The following IGF2BP3 variants were observed in gnomAD, a reference collection of about 807,000 sequenced individuals.
IGF2BP3 encodes the protein insulin like growth factor 2 mRNA binding protein 3, also known as insulin-like growth factor 2 mRNA-binding protein 3.
IGF2BP3 carries 9 observed loss-of-function variants against 73.8 expected under a neutral mutation model. That is an observed-to-expected ratio of 0.12 (90% CI 0.07 to 0.21). The LOEUF (loss-of-function observed/expected upper bound fraction) is 0.21. Ranked by LOEUF, IGF2BP3 falls within the 10% of genes least tolerant of loss-of-function variation. The pLI is 1.00. For missense variants in IGF2BP3, 542 were observed against 714.0 expected, an observed-to-expected ratio of 0.76 and a Z score of 2.75; for synonymous variants, 258 against 256.7, an observed-to-expected ratio of 1.01 and a Z score of -0.05.
intron 3 of IGF2BP3, among the ~76,000 whole-genome samples, chr7:23,373,468 A>G (rs1038484313): frequency 6.8e-6 from 1 of 147,652 alleles, no homozygotes; most frequent in African/African-American, 2.4e-5. Context: ...ATACCACTTC[A>G]CCTCCATTAG....
At chr7:23,381,295 A>C (rs1785901635) in intron 3 of IGF2BP3, among the ~76,000 whole-genome samples, 1 of 152,214 alleles carries the variant, frequency 6.6e-6, no homozygotes, top group Admixed American at 6.5e-5. Context: ...AGGAAAGGCC[A>C]CATGCCCAGC....
At chr7:23,350,743 G>C (rs900452525) in intron 6 of IGF2BP3, among the ~76,000 whole-genome samples, 3 of 152,190 alleles carry the variant, frequency 2.0e-5, no homozygotes, top group Non-Finnish European at 4.4e-5. Flanking sequence ...CTGATAATTA[G>C]CTCCAACATT....
chr7:23,362,210 G>C (rs189561744), intron 3 of IGF2BP3, among the ~76,000 whole-genome samples: 1 of 151,780 alleles, frequency 6.6e-6, no homozygotes, highest in Non-Finnish European at 1.5e-5. Context: ...CCAGGAGTTC[G>C]AGACCAGCCT....
intron 8 of IGF2BP3, among the ~76,000 whole-genome samples, chr7:23,344,129 C>A (rs936040954): frequency 1.3e-5 from 2 of 152,204 alleles, no homozygotes; most frequent in Non-Finnish European, 2.9e-5. Flanking sequence ...ATAAAGCTTA[C>A]TTCTCAACCG....
intron 3 of IGF2BP3, among the ~76,000 whole-genome samples, chr7:23,388,547 G>C (rs1786162084): frequency 6.6e-6 from 1 of 151,756 alleles, no homozygotes. Flanking sequence ...TCGGTTTCAA[G>C]GGGAACAGAG....
chr7:23,404,677 C>G (rs1020155684), intron 3 of IGF2BP3, among the ~76,000 whole-genome samples: 2 of 146,414 alleles, frequency 1.4e-5, no homozygotes, highest in South Asian at 4.3e-4. Flanking sequence ...GAAAGTAATA[C>G]TGAATAGTAA....
chr7:23,466,055 G>A (rs577806539), intron 2 of IGF2BP3, among the ~76,000 whole-genome samples: 3 of 148,242 alleles, frequency 2.0e-5, no homozygotes, highest in Admixed American at 6.8e-5. Context: ...AGAGTTTCAC[G>A]CTCTTGTTCA....
At chr7:23,424,776 G>C (rs1787454923) in intron 2 of IGF2BP3, among the ~76,000 whole-genome samples, 1 of 152,134 alleles carries the variant, frequency 6.6e-6, no homozygotes, top group African/African-American at 2.4e-5. Flanking sequence ...AGAGCCAATA[G>C]AGCAGCTCAT....
Position 23,312,219 on chromosome 7 carries a change from A to G in IGF2BP3, c.*143T>C. 3.0e-6 allele frequency: 2 copies of G among 664,204 alleles called. No individual in the cohort carries two copies. The highest frequency in any genetic ancestry group is 1.8e-5 in the African/African-American group (1 of 55,626). The allele number at this position is 664,204 out of a possible 1,614,324, so 41.1% of individuals were successfully genotyped here. A position where few individuals can be genotyped will look rare whatever the true frequency, so the allele number is the denominator to read the frequency against. On this transcript the variant is annotated 3_prime_UTR_variant, in exon 15 of 15. Coordinates refer to ENST00000258729, the MANE Select transcript of IGF2BP3 (RefSeq NM_006547.3). The stretch of plus-strand genomic sequence containing the variant: ...ACATTCTCACAGAGACAGGAGTTCA[A>G]AAGTTGCCTGGTCCTCAGAAACAAC...
chr7:23,411,238 G>A (rs1246287770), intron 3 of IGF2BP3, among the ~76,000 whole-genome samples: 1 of 152,180 alleles, frequency 6.6e-6, no homozygotes, highest in Admixed American at 6.5e-5. Context: ...GTTTTCTTCT[G>A]TTGAGTTAAA....
chr7:23,377,765 C>T lies in IGF2BP3; in HGVS notation c.286-16024G>A, dbSNP rs576941128. Reference sequence around the variant, plus strand: ...GGTATATTCACACAATAATTATTACCCAGCCATAAAAAGGAATGAAGTACC... The same window carrying T: ...GGTATATTCACACAATAATTATTACTCAGCCATAAAAAGGAATGAAGTACC... On this transcript the variant is annotated intron_variant, in intron 3 of 14. Coordinates refer to ENST00000258729, the MANE Select transcript of IGF2BP3 (RefSeq NM_006547.3). Among the ~76,000 whole-genome samples, 87 of 152,238 alleles carry T rather than the reference C, an allele frequency of 5.7e-4. 1 individual carries two copies. The highest frequency in any genetic ancestry group is 1.4e-3 in the South Asian group (7 of 4,830).
intron 2 of IGF2BP3, among the ~76,000 whole-genome samples, chr7:23,456,634 C>T (rs1422380112): frequency 6.6e-6 from 1 of 152,176 alleles, no homozygotes; most frequent in African/African-American, 2.4e-5. Flanking sequence ...AGAGTGTGTT[C>T]CTACAATTAT....
intron 3 of IGF2BP3, among the ~76,000 whole-genome samples, chr7:23,416,533 T>G (rs184322032): frequency 2.0e-5 from 3 of 152,372 alleles, no homozygotes; most frequent in Admixed American, 2.0e-4. Context: ...CTGAAGCCAG[T>G]TGAACCTATT....
chr7:23,467,951 A>T (rs1352169528), intron 2 of IGF2BP3: 1 of 158,862 alleles, frequency 6.3e-6, no homozygotes, highest in Non-Finnish European at 1.4e-5. Context: ...TCTGGGCCAG[A>T]GAGGCCCCAG....
At chr7:23,345,328 T>G (rs892817004) in intron 8 of IGF2BP3, among the ~76,000 whole-genome samples, 2 of 152,240 alleles carry the variant, frequency 1.3e-5, no homozygotes, top group Admixed American at 6.5e-5. Context: ...CAAATAGGGC[T>G]GACTTGTGTA....
chr7:23,427,515 G>A (rs112506627), intron 2 of IGF2BP3, among the ~76,000 whole-genome samples: 2,561 of 152,264 alleles, frequency 0.017, 26 homozygotes, highest in African/African-American at 0.026. Context: ...GGAGACCAAG[G>A]TGGAAGGATC....
rs375719106 is a variant in IGF2BP3, at chr7:23,430,697, T to G, written c.237-11873A>C. Reference sequence around the variant, plus strand: ...AGTTTAATACTGTACTCCAAGCAAATACTTGGGAAAATGATCAGTCTTACA... The same window carrying G: ...AGTTTAATACTGTACTCCAAGCAAAGACTTGGGAAAATGATCAGTCTTACA... On this transcript the variant is annotated intron_variant, in intron 2 of 14. Transcript: ENST00000258729. 1.6e-4 allele frequency among the ~76,000 whole-genome samples: 24 copies of G among 152,320 alleles called. 1 individual carries two copies. The highest frequency in any genetic ancestry group is 9.8e-4 in the Admixed American group (15 of 15,300).
chr7:23,314,252 G>C (rs1254086403), intron 12 of IGF2BP3, among the ~76,000 whole-genome samples: 1 of 150,272 alleles, frequency 6.7e-6, no homozygotes, highest in Admixed American at 6.6e-5. Context: ...GCACGATCTT[G>C]GGTCACTGCA....
chr7:23,437,328 C>A (rs994092127), intron 2 of IGF2BP3, among the ~76,000 whole-genome samples: 1 of 151,214 alleles, frequency 6.6e-6, no homozygotes, highest in Non-Finnish European at 1.5e-5. Context: ...ACTAAAAACA[C>A]CAAAAGTAGC....
Sources: allele counts gnomAD v4.1 joint callset (sites outside exome capture counted in the v4.1 genomes callset), GRCh38; gene constraint gnomAD v4.1.1; transcripts MANE v1.5; gene names NCBI Gene and HGNC (gene_info 2026-07-23, HGNC 2026-07-21).